Variants in AIG1 observed in about 807,000 individuals in gnomAD.
AIG1 encodes androgen induced 1.
AIG1 carries 23 observed loss-of-function variants against 31.4 expected under a neutral mutation model. The ratio of observed to expected loss-of-function variants is 0.73; its 90% CI spans 0.53 to 1.04. The LOEUF is 1.04. Among genes scored for constraint, AIG1 ranks in the 50% least tolerant of loss-of-function variants. The probability of loss-of-function intolerance (pLI) is 0.00; values close to 1 mark genes in which losing one functional copy is unlikely to be tolerated. For synonymous variants in AIG1, 100 were observed against 110.5 expected (o/e 0.90, Z 0.60); for missense variants, 274 against 295.0 (o/e 0.93, Z 0.52).
upstream of AIG1, chr6:143,060,851 C>T (rs1046067830): frequency 1.9e-6 from 2 of 1,048,908 alleles, no homozygotes; most frequent in Non-Finnish European, 2.3e-6. Context: ...TCCCACGGCG[C>T]CCGCCCCCGC....
At chr6:143,077,769 A>AT (rs1169757989) in intron 1 of AIG1, among the ~76,000 whole-genome samples, 2 of 152,134 alleles carry the variant, frequency 1.3e-5, no homozygotes, top group African/African-American at 4.8e-5. Flanking sequence ...TTCTTCAAAT[A>AT]TTTTTTCTAT....
intron 3 of AIG1, among the ~76,000 whole-genome samples, chr6:143,283,237 A>G (rs2128679220): frequency 6.6e-6 from 1 of 152,318 alleles, no homozygotes; most frequent in African/African-American, 2.4e-5. Context: ...ATCCTGTTCC[A>G]ATAAACTTAG....
intron 3 of AIG1, among the ~76,000 whole-genome samples, chr6:143,176,792 G>C (rs555863864): frequency 2.0e-5 from 3 of 152,378 alleles, no homozygotes; most frequent in African/African-American, 4.8e-5. Flanking sequence ...AAGCCTCCCA[G>C]CTGAGAAAGC....
At chr6:143,187,110 T>C (rs760840001) in intron 3 of AIG1, among the ~76,000 whole-genome samples, 2 of 152,228 alleles carry the variant, frequency 1.3e-5, no homozygotes, top group Admixed American at 1.3e-4. Context: ...GGTAGAAATA[T>C]TGTATTTTTA....
At chr6:143,076,040 G>C (rs1393446937) in intron 1 of AIG1, among the ~76,000 whole-genome samples, 1 of 152,176 alleles carries the variant, frequency 6.6e-6, no homozygotes, top group East Asian at 1.9e-4. Context: ...TATGTATTTT[G>C]CTTTTAGTAA....
At chr6:143,060,812 C>G (rs1389038997), upstream of AIG1, 2 of 160,716 alleles carry the variant, frequency 1.2e-5, no homozygotes, top group East Asian at 4.7e-4. Context: ...CCGCCCCGCC[C>G]CGCCCCGCGC....
intron 3 of AIG1, among the ~76,000 whole-genome samples, chr6:143,283,488 G>A (rs939905908): frequency 3.3e-5 from 5 of 152,132 alleles, no homozygotes; most frequent in Non-Finnish European, 7.4e-5. Context: ...TTAACATTTG[G>A]ACAAAGAGTT....
chr6:143,174,684 G>A (rs1469423836), intron 3 of AIG1, among the ~76,000 whole-genome samples: 3 of 151,838 alleles, frequency 2.0e-5, no homozygotes, highest in Admixed American at 2.0e-4. Context: ...TTAAGTAGAG[G>A]ATTTAGGCCA....
rs889240767 is a variant in AIG1, at chr6:143,326,658, T to G, written c.516-6624T>G. 1.3e-5 allele frequency among the ~76,000 whole-genome samples: 2 copies of G among 152,208 alleles called. No individual in the cohort carries two copies. Among genetic ancestry groups the G allele is most frequent in the Admixed American group, 1.3e-4 (2 of 15,270 alleles). The stretch of plus-strand genomic sequence containing the variant: ...AAGAACTTATAAAAATCTGTCCTAA[T>G]CTGATGGATCAGGGGAGACTTTCCC... On this transcript the variant is annotated intron_variant, in intron 4 of 5. Coordinates refer to ENST00000357847, the MANE Select transcript of AIG1 (RefSeq NM_016108.4). The surrounding 1 kb of genome is among the most constrained non-coding windows in gnomAD (Gnocchi z 4.5).
intron 3 of AIG1, among the ~76,000 whole-genome samples, chr6:143,179,100 G>A (rs980616976): frequency 6.6e-6 from 1 of 152,030 alleles, no homozygotes; most frequent in Non-Finnish European, 1.5e-5. Context: ...AAGGTGTGAG[G>A]GGATTTCACT....
At chr6:143,294,533 A>G (rs548406159) in intron 4 of AIG1, among the ~76,000 whole-genome samples, 1 of 152,192 alleles carries the variant, frequency 6.6e-6, no homozygotes, top group Non-Finnish European at 1.5e-5. Flanking sequence ...TAAGTCTCTC[A>G]TCAGATTGGC....
chr6:143,234,483 T>C (rs1368297929), intron 3 of AIG1, among the ~76,000 whole-genome samples: 6 of 152,198 alleles, frequency 3.9e-5, no homozygotes, highest in Non-Finnish European at 5.9e-5. Context: ...GTTGGGAGCA[T>C]CAGATGTCTT....
chr6:143,281,577 GTTAC>G (rs1450552187), intron 3 of AIG1, among the ~76,000 whole-genome samples: 1 of 152,066 alleles, frequency 6.6e-6, no homozygotes, highest in Non-Finnish European at 1.5e-5. Flanking sequence ...ACTGCTAAAG[GTTAC>G]TTATTCATCA....
At chr6:143,168,828 A>G (rs367901434) in intron 3 of AIG1, among the ~76,000 whole-genome samples, 59 of 152,140 alleles carry the variant, frequency 3.9e-4, no homozygotes, top group African/African-American at 1.4e-3. Context: ...TCTCACATGT[A>G]TTTTAATGTA....
At chr6:143,245,612 G>T (rs1274654581) in intron 3 of AIG1, among the ~76,000 whole-genome samples, 3 of 152,190 alleles carry the variant, frequency 2.0e-5, no homozygotes, top group African/African-American at 7.2e-5. Flanking sequence ...AAACAAGTTT[G>T]GGATGAGGGT....
intron 2 of AIG1, among the ~76,000 whole-genome samples, chr6:143,154,029 T>C (rs979983629): frequency 2.6e-5 from 4 of 151,672 alleles, no homozygotes; most frequent in Non-Finnish European, 4.4e-5. Context: ...GGCTGGAGGA[T>C]CACTTGAAAC....
chr6:143,202,635 G>A (rs1790792551), intron 3 of AIG1, among the ~76,000 whole-genome samples: 1 of 152,196 alleles, frequency 6.6e-6, no homozygotes, highest in African/African-American at 2.4e-5. Context: ...CTGGCGGGAG[G>A]AGAATCTGCA....
At position 143,285,497 on chromosome 6, in the gene AIG1, A is replaced by T. The variant is rs145292776; in HGVS notation, c.515+1272A>T. On this transcript the variant is annotated intron_variant, in intron 4 of 5. Coordinates refer to ENST00000357847, the MANE Select transcript of AIG1 (RefSeq NM_016108.4). Reference sequence around the variant, plus strand: ...GTCAACATGGTGAAACCCCATCTCTACTAAAAATACAAAAAATTAGCCAGG... The same window carrying T: ...GTCAACATGGTGAAACCCCATCTCTTCTAAAAATACAAAAAATTAGCCAGG... Among the ~76,000 whole-genome samples the T allele has an allele frequency of 8.0e-3, 1,211 of 151,618 alleles. 14 individuals are homozygous for T. Among genetic ancestry groups the T allele is most frequent in the African/African-American group, 0.027 (1,102 of 41,380 alleles).
intron 3 of AIG1, among the ~76,000 whole-genome samples, chr6:143,183,256 C>A (rs1417121640): frequency 7.0e-6 from 1 of 142,126 alleles, no homozygotes; most frequent in Admixed American, 7.6e-5. Context: ...AGTGCGATGG[C>A]GCAATCTTGG....
Sources: allele counts gnomAD v4.1 joint callset (sites outside exome capture counted in the v4.1 genomes callset), GRCh38; gene constraint gnomAD v4.1.1; non-coding constraint Gnocchi (gnomAD v3.1); transcripts MANE v1.5; gene names NCBI Gene and HGNC (gene_info 2026-07-23, HGNC 2026-07-21).